The following GRIK1 variants were observed in gnomAD, a reference collection of about 807,000 sequenced individuals.
The protein encoded by GRIK1 is glutamate receptor ionotropic, kainate 1.
A neutral mutation model predicts 105.7 loss-of-function variants in GRIK1; 69 were observed. The observed-to-expected ratio is 0.65, with a 90% CI of 0.54 to 0.80. The LOEUF is 0.80. Ranked by LOEUF, GRIK1 falls within the 30% of genes least tolerant of loss-of-function variation. The probability of loss-of-function intolerance (pLI) is 0.00; values close to 1 mark genes in which losing one functional copy is unlikely to be tolerated. For synonymous variants in GRIK1, 438 were observed against 431.3 expected (o/e 1.02, Z -0.19); for missense variants, 1,109 against 1,167.3 (o/e 0.95, Z 0.73).
rs541402035 is a variant in GRIK1, at chr21:29,932,778, C to T, written c.118+6605G>A. Among the ~76,000 whole-genome samples the T allele has an allele frequency of 1.0e-3, 152 of 151,838 alleles. 2 individuals are homozygous for T. Among genetic ancestry groups the T allele is most frequent in the African/African-American group, 3.5e-3 (146 of 41,492 alleles). On this transcript the variant is annotated intron_variant, in intron 1 of 17. Coordinates refer to ENST00000327783, the MANE Select transcript of GRIK1 (RefSeq NM_001330994.2). ...CATGAAAATTTGTCATTTAAAAAAT[C>T]AGATAAGCATTTTAAAATAAAGAAT... is the stretch of plus-strand genomic sequence containing the variant.
intron 1 of GRIK1, among the ~76,000 whole-genome samples, chr21:29,826,142 T>G (rs557103500): frequency 6.6e-6 from 1 of 152,250 alleles, no homozygotes; most frequent in South Asian, 2.1e-4. Context: ...GGTGACGATC[T>G]GTATATTGGT....
chr21:29,829,164 G>A (rs1300489361), intron 1 of GRIK1, among the ~76,000 whole-genome samples: 4 of 151,988 alleles, frequency 2.6e-5, no homozygotes, highest in East Asian at 1.9e-4. Context: ...AGGTAAAAAC[G>A]GCATGCATTA....
At chr21:29,737,577 G>A (rs2064824929) in intron 1 of GRIK1, among the ~76,000 whole-genome samples, 1 of 152,148 alleles carries the variant, frequency 6.6e-6, no homozygotes, top group Non-Finnish European at 1.5e-5. Flanking sequence ...CCAAACCTTG[G>A]GAATAACTAA....
intron 1 of GRIK1, among the ~76,000 whole-genome samples, chr21:29,793,030 G>T (rs1256418054): frequency 1.3e-5 from 2 of 151,914 alleles, no homozygotes; most frequent in Non-Finnish European, 2.9e-5. Context: ...CACCTTCATT[G>T]CACGTGAGCA....
At chr21:29,882,614 G>A (rs73345441) in intron 1 of GRIK1, among the ~76,000 whole-genome samples, 1,630 of 152,180 alleles carry the variant, frequency 0.011, 36 homozygotes, top group African/African-American at 0.038. Flanking sequence ...AATATCATGC[G>A]CAAAGAACTT....
chr21:29,773,801 A>G (rs1243428930), intron 1 of GRIK1, among the ~76,000 whole-genome samples: 2 of 152,202 alleles, frequency 1.3e-5, no homozygotes, highest in African/African-American at 4.8e-5. Context: ...TAACATATTC[A>G]CAGGGGCTTG....
At chr21:29,776,765 G>T (rs1004961047) in intron 1 of GRIK1, among the ~76,000 whole-genome samples, 19 of 152,192 alleles carry the variant, frequency 1.2e-4, no homozygotes, top group African/African-American at 4.1e-4. Context: ...TGCAGGGGTG[G>T]TTGAGGTCAT....
chr21:29,634,639 G>A (rs1402744739), intron 7 of GRIK1, among the ~76,000 whole-genome samples: 2 of 152,152 alleles, frequency 1.3e-5, no homozygotes, highest in Non-Finnish European at 2.9e-5. Context: ...AGTGAAGCAT[G>A]TTAAGTGCTA....
chr21:29,818,295 G>A (rs921735869), intron 1 of GRIK1, among the ~76,000 whole-genome samples: 25 of 152,050 alleles, frequency 1.6e-4, no homozygotes, highest in Admixed American at 1.4e-3. Flanking sequence ...ATTTACTTAG[G>A]TGACTCAGAC....
intron 7 of GRIK1, among the ~76,000 whole-genome samples, chr21:29,608,226 G>A (rs750727941): frequency 1.3e-5 from 2 of 152,084 alleles, no homozygotes; most frequent in Non-Finnish European, 2.9e-5. Context: ...TCTCTAGGGG[G>A]TTGTTTTATG....
chr21:29,788,160 G>A (rs77303835), intron 1 of GRIK1, among the ~76,000 whole-genome samples: 268 of 152,280 alleles, frequency 1.8e-3, no homozygotes, highest in African/African-American at 6.4e-3. Flanking sequence ...GGTGAAAGAT[G>A]ACAAAACAAT....
chr21:29,610,317 C>T (rs1197831842), intron 7 of GRIK1, among the ~76,000 whole-genome samples: 1 of 152,074 alleles, frequency 6.6e-6, no homozygotes, highest in African/African-American at 2.4e-5. Flanking sequence ...GCAACAGAAG[C>T]TACACAGATG....
intron 1 of GRIK1, among the ~76,000 whole-genome samples, chr21:29,769,362 A>T (rs1228561005): frequency 6.6e-6 from 1 of 152,176 alleles, no homozygotes; most frequent in East Asian, 1.9e-4. Context: ...GGGAGAATTC[A>T]TCTACAACTG....
rs148626894 is a variant in GRIK1, at chr21:29,560,482, C to T, written c.2356+1142G>A. Among the ~76,000 whole-genome samples the T allele has an allele frequency of 9.2e-5, 10 of 108,722 alleles. 1 individual carries two copies. The East Asian group carries it at 1.8e-3, about 19-fold the overall frequency. 71.3% of individuals were successfully genotyped at this position (108,722 alleles called of 152,430 possible). ...TTCCTTCCTTTCCTTTCTCTCTCTCCCTTTCTTTCTTTCTTTCCTTCCTTC... is the reference window on the plus strand; with the variant it reads ...TTCCTTCCTTTCCTTTCTCTCTCTCTCTTTCTTTCTTTCTTTCCTTCCTTC... On this transcript the variant is annotated intron_variant, in intron 15 of 17. Coordinates refer to ENST00000327783, the MANE Select transcript of GRIK1 (RefSeq NM_001330994.2).
At chr21:29,791,393 G>A (rs1413133886) in intron 1 of GRIK1, among the ~76,000 whole-genome samples, 1 of 152,144 alleles carries the variant, frequency 6.6e-6, no homozygotes, top group Non-Finnish European at 1.5e-5. Context: ...TAAGAGTGGA[G>A]TCGTTCCTGT....
chr21:29,889,249 T>C (rs1390768140), intron 1 of GRIK1, among the ~76,000 whole-genome samples: 3 of 152,148 alleles, frequency 2.0e-5, no homozygotes, highest in East Asian at 1.9e-4. Flanking sequence ...GAGAGTAATA[T>C]ATGTTAAGTA....
At chr21:29,720,225 A>T (rs1452365176) in intron 1 of GRIK1, among the ~76,000 whole-genome samples, 1 of 152,168 alleles carries the variant, frequency 6.6e-6, no homozygotes, top group African/African-American at 2.4e-5. Context: ...TATTTCTCAG[A>T]TTATTATTTT....
intron 4 of GRIK1, among the ~76,000 whole-genome samples, chr21:29,667,238 A>G (rs9917496): frequency 0.018 from 2,737 of 152,312 alleles, 37 homozygotes; most frequent in Middle Eastern, 0.037. Context: ...TCTTATCTAA[A>G]CAAGGGATGA....
intron 1 of GRIK1, among the ~76,000 whole-genome samples, chr21:29,793,254 A>G (rs923974369): frequency 1.3e-5 from 2 of 152,170 alleles, no homozygotes; most frequent in African/African-American, 2.4e-5. Flanking sequence ...GCTTGTGGAT[A>G]TTCTTGATAG....
Sources: allele counts gnomAD v4.1 joint callset (sites outside exome capture counted in the v4.1 genomes callset), GRCh38; gene constraint gnomAD v4.1.1; transcripts MANE v1.5; gene names NCBI Gene and HGNC (gene_info 2026-07-23, HGNC 2026-07-21).